The following SCN2A variants were observed in gnomAD, a reference collection of about 807,000 sequenced individuals.
SCN2A encodes the protein sodium channel protein type 2 subunit alpha.
A neutral mutation model predicts 188.7 loss-of-function variants in SCN2A; 20 were observed. The observed-to-expected ratio is 0.11, with a 90% CI of 0.07 to 0.15. SCN2A has a LOEUF of 0.15. Among genes scored for constraint, SCN2A ranks in the 10% least tolerant of loss-of-function variants. The pLI, the probability that SCN2A is intolerant of heterozygous loss-of-function variation, is 1.00. For missense variants in SCN2A, 1,278 were observed against 2,445.0 expected, an observed-to-expected ratio of 0.52 and a Z score of 10.07; for synonymous variants, 804 against 833.1, an observed-to-expected ratio of 0.97 and a Z score of 0.60.
intron 21 of SCN2A, among the ~76,000 whole-genome samples, chr2:165,374,400 A>C (rs571445620): frequency 3.3e-5 from 5 of 152,074 alleles, no homozygotes; most frequent in African/African-American, 1.2e-4. Context: ...TTATACTCTT[A>C]ATTATTTTTG....
At chr2:165,368,454 A>G (rs1821224) in intron 19 of SCN2A, among the ~76,000 whole-genome samples, 64,700 of 151,988 alleles carry the variant, frequency 0.43, 14,007 homozygotes, top group East Asian at 0.54. Flanking sequence ...AGCCCTCGCC[A>G]GGTACCCGTC....
At chr2:165,256,051 G>T (rs532125599) in intron 1 of SCN2A, among the ~76,000 whole-genome samples, 1 of 135,686 alleles carries the variant, frequency 7.4e-6, no homozygotes, top group South Asian at 2.4e-4. Flanking sequence ...TGTCGCCCAG[G>T]CTGGAGTGCA....
intron 25 of SCN2A, among the ~76,000 whole-genome samples, 188 bp downstream of exon 25, chr2:165,381,385 T>C (rs1045947456): frequency 1.3e-5 from 2 of 151,820 alleles, no homozygotes; most frequent in African/African-American, 4.8e-5. Context: ...AATTATATAA[T>C]GCATAACATA....
At chr2:165,351,153 A>C (rs1699890438) in intron 16 of SCN2A, among the ~76,000 whole-genome samples, 1 of 152,162 alleles carries the variant, frequency 6.6e-6, no homozygotes, top group South Asian at 2.1e-4. Context: ...CTTACCTAGC[A>C]CTCGAATTCT....
chr2:165,348,693 C>T (rs73969371), intron 16 of SCN2A, among the ~76,000 whole-genome samples: 2,373 of 152,180 alleles, frequency 0.016, 58 homozygotes, highest in African/African-American at 0.053. Context: ...AAGTTGCTGT[C>T]GAGATGTTAG....
intron 14 of SCN2A, among the ~76,000 whole-genome samples, chr2:165,340,429 G>T (rs1000724802): frequency 5.9e-5 from 9 of 152,186 alleles, no homozygotes; most frequent in African/African-American, 2.2e-4. Context: ...GGTAGAGAGA[G>T]ATTCCATTTA....
chr2:165,380,873 T>G (rs1701567336), intron 24 of SCN2A, 144 bp downstream of exon 24: 1 of 758,174 alleles, frequency 1.3e-6, no homozygotes. Flanking sequence ...CGATAAGCTT[T>G]TAAGCAATTA....
intron 1 of SCN2A, among the ~76,000 whole-genome samples, chr2:165,249,339 G>A (rs892803870): frequency 2.0e-5 from 3 of 152,092 alleles, no homozygotes; most frequent in Admixed American, 6.6e-5. Context: ...CAAAGCACTG[G>A]TCTCATTTTA....
chr2:165,276,711 C>G (rs953335408), intron 1 of SCN2A, among the ~76,000 whole-genome samples: 2 of 152,106 alleles, frequency 1.3e-5, no homozygotes, highest in Non-Finnish European at 2.9e-5. Flanking sequence ...TATGAAGACC[C>G]CACATGATGC....
chr2:165,277,753 A>G (rs1184926986), intron 1 of SCN2A, among the ~76,000 whole-genome samples: 2 of 152,202 alleles, frequency 1.3e-5, no homozygotes, highest in Admixed American at 6.5e-5. Context: ...GCTTTCTATA[A>G]CATTCATAGT....
chr2:165,349,201 G>A (rs940490053), intron 16 of SCN2A, among the ~76,000 whole-genome samples: 3 of 152,210 alleles, frequency 2.0e-5, no homozygotes, highest in Non-Finnish European at 4.4e-5. Context: ...AGAAAACGCA[G>A]AGAACAGAAT....
rs1553593075 is a variant in SCN2A at position 165,373,314 on chromosome 2, A to G, written c.3939A>G (p.Pro1313=). 4 of 1,613,296 alleles carry G rather than the reference A, an allele frequency of 2.5e-6. No homozygotes were observed. Among genetic ancestry groups the G allele is most frequent in the Non-Finnish European group, 3.4e-6 (4 of 1,179,370 alleles). The change falls in exon 21 of 27, where the codon CCA becomes CCG. Residue 1313 remains proline (P), a synonymous_variant. Coordinates refer to ENST00000375437, the MANE Select transcript of SCN2A (RefSeq NM_001040142.2). The part of the protein sequence containing the change: ...KSLRTLRALR[P]LRALSRFEGM... The stretch of plus-strand genomic sequence containing the variant: ...TCAGAACACTAAGAGCTCTGAGGCC[A>G]CTGAGAGCTTTGTCCCGGTTTGAAG...
chr2:165,252,502 C>A lies in SCN2A; in HGVS notation c.-52+12862C>A, dbSNP rs978182656. Among the ~76,000 whole-genome samples, 12 of 151,892 alleles carry A rather than the reference C, an allele frequency of 7.9e-5. No individual in the cohort carries two copies. In the South Asian group the frequency reaches 2.5e-3, roughly 32 times the overall value. ...TTTATCAATTATTTCCCTGAAAATG[C>A]ACATTCTTTTTAAATTAATTTTTTA... On this transcript the variant is annotated intron_variant, in intron 1 of 26. Transcript: ENST00000375437.
intron 17 of SCN2A, among the ~76,000 whole-genome samples, chr2:165,362,008 T>A (rs933448895): frequency 6.6e-6 from 1 of 152,012 alleles, no homozygotes; most frequent in Non-Finnish European, 1.5e-5. Flanking sequence ...AAAGTAAATA[T>A]CAGATAGGAA....
rs749326085 is a variant in SCN2A, at chr2:165,293,848, G to A, written c.-51-1925G>A. 6 of 984,778 alleles carry A rather than the reference G, an allele frequency of 6.1e-6. No homozygotes were observed. Among genetic ancestry groups the A allele is most frequent in the Non-Finnish European group, 4.8e-6 (4 of 829,838 alleles). 61.0% of individuals were successfully genotyped at this position (984,778 alleles called of 1,614,324 possible). A position where few individuals can be genotyped will look rare whatever the true frequency, so the allele number is the denominator to read the frequency against. On this transcript the variant is annotated intron_variant, in intron 1 of 26. Transcript: ENST00000375437. ...GAGCTTTGGGCTGCTTCAGACATAT[G>A]TCTGTGTGTACGCTGTGAAGGTGTT... is the stretch of plus-strand genomic sequence containing the variant.
chr2:165,309,284 G>A, intron 5 of SCN2A, 68 bp from the exon 6 acceptor site: 1 of 1,612,086 alleles, frequency 6.2e-7, no homozygotes, highest in Non-Finnish European at 8.5e-7. Context: ...TAAGGTGGTA[G>A]GCCCCTTATA....
intron 1 of SCN2A, among the ~76,000 whole-genome samples, chr2:165,274,704 G>A (rs1695257941): frequency 6.6e-6 from 1 of 152,168 alleles, no homozygotes; most frequent in African/African-American, 2.4e-5. Flanking sequence ...ATTAAGGACA[G>A]GCAGTATTTT....
intron 1 of SCN2A, among the ~76,000 whole-genome samples, chr2:165,256,004 T>TC (rs983326205): frequency 3.6e-5 from 5 of 139,326 alleles, no homozygotes; most frequent in East Asian, 2.0e-4. Flanking sequence ...TCTTTTCTTT[T>TC]TTTTTTTTTT....
chr2:165,259,248 G>A (rs1278205025), intron 1 of SCN2A, among the ~76,000 whole-genome samples: 3 of 152,194 alleles, frequency 2.0e-5, no homozygotes, highest in African/African-American at 4.8e-5. Context: ...TTATGTGGGT[G>A]GAGGATCTTG....
Sources: gnomAD v4.1 joint callset for allele counts (sites outside exome capture counted in the v4.1 genomes callset) on GRCh38, gnomAD v4.1.1 for gene constraint, MANE v1.5 for transcripts, NCBI Gene and HGNC (gene_info 2026-07-23, HGNC 2026-07-21) for gene names.